The following LUZP2 variants were observed in gnomAD, a reference collection of about 807,000 sequenced individuals.
The protein encoded by LUZP2 is leucine zipper protein 2.
A neutral mutation model predicts 51.6 loss-of-function variants in LUZP2; 52 were observed. The ratio of observed to expected loss-of-function variants is 1.01; its 90% CI spans 0.81 to 1.27. The LOEUF (loss-of-function observed/expected upper bound fraction) is 1.27, where lower values mean the gene tolerates loss of function less well. Ranked by LOEUF, LUZP2 falls within the 50% of genes most tolerant of loss-of-function variation. The pLI, the probability that LUZP2 is intolerant of heterozygous loss-of-function variation, is 0.00. For missense variants in LUZP2, 436 were observed against 395.4 expected (o/e 1.10, Z -0.87); for synonymous variants, 154 against 137.3 (o/e 1.12, Z -0.85).
chr11:24,932,045 C>T (rs1854471125), intron 7 of LUZP2, among the ~76,000 whole-genome samples: 2 of 152,168 alleles, frequency 1.3e-5, no homozygotes, highest in African/African-American at 4.8e-5. Flanking sequence ...TAGCCACCCA[C>T]CAGAGCTACT....
chr11:24,601,464 T>A (rs1188121559), intron 1 of LUZP2, among the ~76,000 whole-genome samples: 1 of 151,898 alleles, frequency 6.6e-6, no homozygotes, highest in Non-Finnish European at 1.5e-5. Flanking sequence ...AAGATGATAG[T>A]TCTGATTCTC....
At chr11:24,557,384 A>G (rs1851903356) in intron 1 of LUZP2, among the ~76,000 whole-genome samples, 1 of 149,888 alleles carries the variant, frequency 6.7e-6, no homozygotes, top group South Asian at 2.1e-4. Flanking sequence ...CAGGATGATT[A>G]TGGTTTTGAG....
At chr11:24,674,246 A>C (rs1856479739) in intron 1 of LUZP2, among the ~76,000 whole-genome samples, 1 of 152,130 alleles carries the variant, frequency 6.6e-6, no homozygotes, top group Non-Finnish European at 1.5e-5. Flanking sequence ...TCATGTGTCC[A>C]GGCTCTCTGG....
chr11:24,513,079 A>G (rs1390919855), intron 1 of LUZP2, among the ~76,000 whole-genome samples: 2 of 152,100 alleles, frequency 1.3e-5, no homozygotes, highest in Admixed American at 6.5e-5. Flanking sequence ...TCTATATGAC[A>G]TAGTTTTCCT....
At chr11:24,529,977 G>A (rs1168280709) in intron 1 of LUZP2, among the ~76,000 whole-genome samples, 3 of 150,806 alleles carry the variant, frequency 2.0e-5, no homozygotes, top group Non-Finnish European at 3.0e-5. Context: ...AGTTTGCCCT[G>A]AAAAGAAAAT....
chr11:24,854,780 C>T (rs116996958), intron 5 of LUZP2, among the ~76,000 whole-genome samples: 2,063 of 152,228 alleles, frequency 0.014, 51 homozygotes, highest in East Asian at 0.13. Flanking sequence ...AGGGAATCTC[C>T]GGGTCTGCAG....
At chr11:25,002,450 A>G (rs765902584) in intron 9 of LUZP2, among the ~76,000 whole-genome samples, 1 of 152,174 alleles carries the variant, frequency 6.6e-6, no homozygotes, top group Admixed American at 6.5e-5. Flanking sequence ...TATTTGAAGC[A>G]CCGGTCCCTC....
At chr11:24,817,810 A>G (rs1306606174) in intron 5 of LUZP2, among the ~76,000 whole-genome samples, 1 of 152,050 alleles carries the variant, frequency 6.6e-6, no homozygotes, top group African/African-American at 2.4e-5. Flanking sequence ...TACTAAGTGC[A>G]TCACAATTTC....
At chr11:24,599,476 A>G (rs779126313) in intron 1 of LUZP2, among the ~76,000 whole-genome samples, 2 of 152,260 alleles carry the variant, frequency 1.3e-5, no homozygotes, top group Non-Finnish European at 2.9e-5. Flanking sequence ...TTTGCAATTG[A>G]CAACCCTTGT....
chr11:24,865,527 C>T (rs1402861755), intron 5 of LUZP2, among the ~76,000 whole-genome samples: 2 of 152,176 alleles, frequency 1.3e-5, no homozygotes, highest in Non-Finnish European at 2.9e-5. Context: ...CTATCCAGCA[C>T]AGGCTATAGG....
chr11:24,694,503 G>A (rs191565185), intron 1 of LUZP2, among the ~76,000 whole-genome samples: 1 of 152,216 alleles, frequency 6.6e-6, no homozygotes, highest in African/African-American at 2.4e-5. Context: ...GTACTTGGAA[G>A]ACAGTGTGGT....
chr11:24,726,007 A>C (rs1350931206), intron 1 of LUZP2, among the ~76,000 whole-genome samples: 1 of 152,134 alleles, frequency 6.6e-6, no homozygotes, highest in Non-Finnish European at 1.5e-5. Flanking sequence ...ACAGCCCTAC[A>C]AACAACTTGA....
chr11:24,822,426 TGTGTGG>T (rs1247422262), intron 5 of LUZP2, among the ~76,000 whole-genome samples: 5 of 152,122 alleles, frequency 3.3e-5, no homozygotes, highest in African/African-American at 1.2e-4. Context: ...TCATCACTAG[TGTGTGG>T]GTGTGGGTGT....
intron 1 of LUZP2, among the ~76,000 whole-genome samples, chr11:24,724,586 C>T (rs372064745): frequency 6.6e-6 from 1 of 151,984 alleles, no homozygotes; most frequent in Non-Finnish European, 1.5e-5. Context: ...ATCAATCAAT[C>T]AATTAATTAA....
At chr11:24,894,086 T>A (rs1217105900) in intron 5 of LUZP2, among the ~76,000 whole-genome samples, 1 of 152,102 alleles carries the variant, frequency 6.6e-6, no homozygotes, top group East Asian at 1.9e-4. Flanking sequence ...ACACTGAGTC[T>A]AGCACAGAGA....
intron 1 of LUZP2, among the ~76,000 whole-genome samples, chr11:24,659,297 C>G (rs1456234411): frequency 1.3e-5 from 2 of 152,112 alleles, no homozygotes; most frequent in Non-Finnish European, 1.5e-5. Flanking sequence ...TGGAAACCAT[C>G]ATTCTCAGAA....
intron 5 of LUZP2, among the ~76,000 whole-genome samples, chr11:24,805,368 T>C (rs1421350519): frequency 6.6e-6 from 1 of 152,076 alleles, no homozygotes; most frequent in African/African-American, 2.4e-5. Context: ...CAATTCAATA[T>C]GAGATTTGGG....
intron 9 of LUZP2, among the ~76,000 whole-genome samples, chr11:25,011,878 T>C (rs892732371): frequency 1.3e-5 from 2 of 151,658 alleles, no homozygotes; most frequent in African/African-American, 4.8e-5. Context: ...AATATATATG[T>C]TTTTATTTTA....
At position 24,573,912 on chromosome 11, in the gene LUZP2, G is replaced by C. The variant is rs1053266205; in HGVS notation, c.62+76607G>C. Among the ~76,000 whole-genome samples the C allele has an allele frequency of 3.3e-5, 5 of 151,080 alleles. No individual in the cohort carries two copies. In the South Asian group the frequency reaches 8.3e-4, roughly 25 times the overall value. Reference sequence around the variant, plus strand: ...TTATTATTATACTTTAAGTTTTAGGGTACATGTGCACAACATGCAGGTTTG... The same window carrying C: ...TTATTATTATACTTTAAGTTTTAGGCTACATGTGCACAACATGCAGGTTTG... On this transcript the variant is annotated intron_variant, in intron 1 of 11. Coordinates refer to ENST00000336930, the MANE Select transcript of LUZP2 (RefSeq NM_001009909.4).
Sources: allele counts gnomAD v4.1 joint callset (sites outside exome capture counted in the v4.1 genomes callset), GRCh38; gene constraint gnomAD v4.1.1; transcripts MANE v1.5; gene names NCBI Gene and HGNC (gene_info 2026-07-23, HGNC 2026-07-21).